Variants in DPP10 observed in about 807,000 individuals in gnomAD.
The protein encoded by DPP10 is inactive dipeptidyl peptidase 10.
DPP10 carries 33 observed loss-of-function variants against 120.9 expected under a neutral mutation model. The observed-to-expected ratio is 0.27, with a 90% confidence interval of 0.21 to 0.37. The LOEUF is 0.37. Ranked by LOEUF, DPP10 falls within the 10% of genes least tolerant of loss-of-function variation. DPP10 has a pLI of 1.00. For synonymous variants in DPP10, 337 were observed against 326.1 expected, an observed-to-expected ratio of 1.03 and a Z score of -0.36; for missense variants, 816 against 942.8, an observed-to-expected ratio of 0.87 and a Z score of 1.76.
chr2:114,612,827 A>C (rs1693386917), intron 1 of DPP10, among the ~76,000 whole-genome samples: 1 of 152,180 alleles, frequency 6.6e-6, no homozygotes, highest in Non-Finnish European at 1.5e-5. Flanking sequence ...TAATTCTTAA[A>C]GTTATGTATA....
intron 1 of DPP10, among the ~76,000 whole-genome samples, chr2:114,648,008 C>T (rs1368134649): frequency 6.6e-6 from 1 of 152,096 alleles, no homozygotes; most frequent in African/African-American, 2.4e-5. Context: ...AAGATAGAGG[C>T]AGTATAACCA....
At chr2:114,766,765 T>C (rs1680738500) in intron 1 of DPP10, among the ~76,000 whole-genome samples, 2 of 152,084 alleles carry the variant, frequency 1.3e-5, no homozygotes, top group South Asian at 4.2e-4. Flanking sequence ...AACAAATTAA[T>C]AGTTGCCAGG....
chr2:114,447,337 C>T (rs1327332862), intron 1 of DPP10, among the ~76,000 whole-genome samples: 4 of 152,130 alleles, frequency 2.6e-5, no homozygotes, highest in Admixed American at 1.3e-4. Flanking sequence ...ATGCTGGACA[C>T]TGACAAACCT....
chr2:115,650,753 T>A (rs941934709), intron 5 of DPP10, among the ~76,000 whole-genome samples: 2 of 151,968 alleles, frequency 1.3e-5, no homozygotes, highest in African/African-American at 4.8e-5. Context: ...GAGGTGCCCA[T>A]GCATTTTTGC....
rs1241864001 is a variant in DPP10 at position 114,859,364 on chromosome 2, G to A, written c.60+416526G>A. 2.8e-4 allele frequency among the ~76,000 whole-genome samples: 7 copies of A among 25,100 alleles called. No homozygotes were observed. The South Asian group carries it at 0.015, about 55-fold the overall frequency. 16.5% of individuals were successfully genotyped at this position (25,100 alleles called of 152,430 possible). A position where few individuals can be genotyped will look rare whatever the true frequency, so the allele number is the denominator to read the frequency against. ...GCCTGGGCAACAAGAGTGAAACTCC[G>A]TCAAAAAAAAAAAAAAAAGAGAAAG... On this transcript the variant is annotated intron_variant, in intron 1 of 25. Coordinates refer to ENST00000410059, the MANE Select transcript of DPP10 (RefSeq NM_020868.6).
At chr2:114,731,983 AG>A (rs1676964369) in intron 1 of DPP10, among the ~76,000 whole-genome samples, 1 of 152,282 alleles carries the variant, frequency 6.6e-6, no homozygotes, top group Admixed American at 6.5e-5. Flanking sequence ...AGTGGATACT[AG>A]GAGGTGATTT....
At chr2:114,459,853 C>T (rs990193785) in intron 1 of DPP10, among the ~76,000 whole-genome samples, 11 of 152,016 alleles carry the variant, frequency 7.2e-5, no homozygotes, top group African/African-American at 2.7e-4. Context: ...GGGTTATGTC[C>T]TGTTATCATG....
At chr2:115,398,983 T>TAAA in intron 3 of DPP10, among the ~76,000 whole-genome samples, 1 of 152,158 alleles carries the variant, frequency 6.6e-6, no homozygotes. Context: ...CACTTTTTTT[T>TAAA]AAGTTACAGC....
chr2:115,325,514 A>C (rs2062308765), intron 2 of DPP10, among the ~76,000 whole-genome samples: 1 of 152,178 alleles, frequency 6.6e-6, no homozygotes, highest in Non-Finnish European at 1.5e-5. Context: ...AAGTACGTTC[A>C]GTAGAACTTA....
chr2:115,187,908 A>G (rs1411742198), intron 1 of DPP10, among the ~76,000 whole-genome samples: 1 of 152,112 alleles, frequency 6.6e-6, no homozygotes, highest in Non-Finnish European at 1.5e-5. Context: ...AGTCCCAGCT[A>G]CTTGGGAGGC....
chr2:114,884,071 G>A (rs770501622), intron 1 of DPP10, among the ~76,000 whole-genome samples: 5 of 151,886 alleles, frequency 3.3e-5, no homozygotes, highest in Non-Finnish European at 5.9e-5. Context: ...AAATACAAGT[G>A]AGTTATTAAA....
At chr2:114,744,255 T>C (rs1027648759) in intron 1 of DPP10, among the ~76,000 whole-genome samples, 2 of 152,168 alleles carry the variant, frequency 1.3e-5, no homozygotes, top group Admixed American at 1.3e-4. Flanking sequence ...TAGAAGATGT[T>C]TGAGCAAAGA....
chr2:115,247,095 G>A (rs1026046484), intron 1 of DPP10, among the ~76,000 whole-genome samples: 1 of 152,174 alleles, frequency 6.6e-6, no homozygotes, highest in Non-Finnish European at 1.5e-5. Context: ...TTAGGGATGA[G>A]TGACTACAAT....
At position 115,466,148 on chromosome 2, in the gene DPP10, A is replaced by C. The variant is rs552550788; in HGVS notation, c.272-33362A>C. Among the ~76,000 whole-genome samples, 4 of 151,782 alleles carry C rather than the reference A, an allele frequency of 2.6e-5. No homozygotes were observed. The South Asian group carries it at 8.3e-4, about 31-fold the overall frequency. On this transcript the variant is annotated intron_variant, in intron 3 of 25. Coordinates refer to ENST00000410059, the MANE Select transcript of DPP10 (RefSeq NM_020868.6). ...ATTGTATTCTACTCTATAAACTGAT[A>C]GACCTTTGCTTTAGAAACTTATGTG...
intron 3 of DPP10, among the ~76,000 whole-genome samples, chr2:115,379,162 G>C (rs1238476961): frequency 6.6e-6 from 1 of 152,192 alleles, no homozygotes; most frequent in Admixed American, 6.5e-5. Flanking sequence ...GTAGAATTCA[G>C]CTGTGAATCC....
At position 115,396,936 on chromosome 2, in the gene DPP10, C is replaced by T. The variant is rs534181376; in HGVS notation, c.271+53024C>T. On this transcript the variant is annotated intron_variant, in intron 3 of 25. Transcript: ENST00000410059. ...TATTTGAGGAAAGATGCTCCTGTCA[C>T]GCTGAGTAAACAATAAAATTATAAG... 2.0e-4 allele frequency among the ~76,000 whole-genome samples: 30 copies of T among 152,166 alleles called. 1 individual carries two copies. Among genetic ancestry groups the T allele is most frequent in the South Asian group, 8.3e-4 (4 of 4,824 alleles).
intron 5 of DPP10, among the ~76,000 whole-genome samples, chr2:115,658,329 C>A (rs2088585462): frequency 6.6e-6 from 1 of 151,636 alleles, no homozygotes; most frequent in South Asian, 2.1e-4. Context: ...ATGTTTGGCC[C>A]ATTTCCTTGT....
chr2:115,797,445 T>G (rs1221813835), intron 19 of DPP10, among the ~76,000 whole-genome samples: 4 of 152,100 alleles, frequency 2.6e-5, no homozygotes, highest in Non-Finnish European at 5.9e-5. Flanking sequence ...ACCCTCAGTT[T>G]CTTGCAAAAA....
intron 21 of DPP10, among the ~76,000 whole-genome samples, chr2:115,817,187 A>C (rs1049394627): frequency 2.7e-4 from 41 of 151,956 alleles, no homozygotes; most frequent in Non-Finnish European, 4.9e-4. Context: ...GCAGAGTTTG[A>C]AGTGAGCCGA....
Sources: gnomAD v4.1 joint callset for allele counts (sites outside exome capture counted in the v4.1 genomes callset) on GRCh38, gnomAD v4.1.1 for gene constraint, MANE v1.5 for transcripts, NCBI Gene and HGNC (gene_info 2026-07-23, HGNC 2026-07-21) for gene names.